The following ADGRL1 variants were observed in gnomAD, a reference collection of about 807,000 sequenced individuals.
ADGRL1 encodes adhesion G protein-coupled receptor L1.
ADGRL1 carries 31 observed loss-of-function variants against 148.9 expected under a neutral mutation model. The observed-to-expected ratio is 0.21, with a 90% CI of 0.16 to 0.28. ADGRL1 has a LOEUF of 0.28. ADGRL1 is among the 10% of genes least tolerant of loss of function. ADGRL1 has a pLI of 1.00. For missense variants in ADGRL1, 1,521 were observed against 2,058.8 expected, an observed-to-expected ratio of 0.74 and a Z score of 5.05; for synonymous variants, 937 against 900.3, an observed-to-expected ratio of 1.04 and a Z score of -0.73.
At chr19:14,199,812 C>T (rs1460897210) in intron 1 of ADGRL1, among the ~76,000 whole-genome samples, 1 of 152,008 alleles carries the variant, frequency 6.6e-6, no homozygotes. Flanking sequence ...TGGCTCACTG[C>T]AACCTCTGCC....
Position 14,159,640 on chromosome 19 carries a change from G to A in ADGRL1, c.1840-56C>T. 3 of 1,595,366 alleles carry A rather than the reference G, an allele frequency of 1.9e-6. No homozygotes were observed. The highest frequency in any genetic ancestry group is 1.7e-4 in the Middle Eastern group (1 of 5,982). On this transcript the variant is annotated intron_variant, in intron 9 of 22. Coordinates refer to ENST00000361434, the MANE Select transcript of ADGRL1 (RefSeq NM_014921.5). This position sits in a 1 kb window ranked among gnomAD's most constrained non-coding sequence, Gnocchi z 6.0. The stretch of plus-strand genomic sequence containing the variant: ...CCCCCCAACACCCTCTAATTCCTGG[G>A]GGTGGGCTCTGCATGCCCTCTTCTC...
rs1969227638 is a variant in ADGRL1 at position 14,160,344 on chromosome 19, ACC to A, written c.1615-49_1615-48del. 2 of 1,535,008 alleles carry A rather than the reference ACC, an allele frequency of 1.3e-6. No individual in the cohort carries two copies. The highest frequency in any genetic ancestry group is 3.6e-5 in the Admixed American group (2 of 55,670). ...AGGGGGAATCCCAGGACTGTCAGGGACCATCCTGCCCTCCCCGGCTTCCCTGG... is the reference window on the plus strand; with the variant it reads ...AGGGGGAATCCCAGGACTGTCAGGGAATCCTGCCCTCCCCGGCTTCCCTGG... On this transcript the variant is annotated intron_variant, in intron 7 of 22. Transcript: ENST00000361434. This position sits in a 1 kb window ranked among gnomAD's most constrained non-coding sequence, Gnocchi z 5.9.
In ADGRL1 at chr19:14,155,316, T is replaced by C. The variant is rs1267394438; in HGVS notation, c.3294+43A>G. 6.2e-7 allele frequency: 1 copy of C among 1,600,834 alleles called. No homozygotes were observed. Among genetic ancestry groups the C allele is most frequent in the Non-Finnish European group, 8.5e-7 (1 of 1,171,550 alleles). On this transcript the variant is annotated intron_variant, in intron 18 of 22. Coordinates refer to ENST00000361434, the MANE Select transcript of ADGRL1 (RefSeq NM_014921.5). The surrounding 1 kb of genome is among the most constrained non-coding windows in gnomAD (Gnocchi z 5.0). Reference sequence around the variant, plus strand: ...CCTTCTCCTGGGTACCCAGGAAACGTCTCCAAGGGAGGCTGTGACCCAGGA... The same window carrying C: ...CCTTCTCCTGGGTACCCAGGAAACGCCTCCAAGGGAGGCTGTGACCCAGGA...
At chr19:14,158,202 G>T in intron 12 of ADGRL1, 136 bp downstream of exon 12, 3 of 1,222,928 alleles carry the variant, frequency 2.5e-6, no homozygotes, top group South Asian at 2.7e-5. Flanking sequence ...GAGCTCTGGG[G>T]ACAAATGGCC....
chr19:14,174,939 C>T (rs1447185557), intron 3 of ADGRL1, among the ~76,000 whole-genome samples: 2 of 151,260 alleles, frequency 1.3e-5, no homozygotes, highest in Admixed American at 1.3e-4. Context: ...ACTCCCGGGC[C>T]CAAGTGATCC....
At chr19:14,202,184 C>A (rs1972657753) in intron 1 of ADGRL1, among the ~76,000 whole-genome samples, 1 of 152,016 alleles carries the variant, frequency 6.6e-6, no homozygotes, top group South Asian at 2.1e-4. Context: ...TTTGGGGCTA[C>A]CCTCGAAAAG....
intron 1 of ADGRL1, among the ~76,000 whole-genome samples, chr19:14,200,576 T>C (rs979967044): frequency 2.0e-5 from 3 of 152,232 alleles, no homozygotes; most frequent in African/African-American, 7.2e-5. Flanking sequence ...CATCGGGCTT[T>C]CTACAGAAAA....
chr19:14,205,314 C>T (rs1161696531), intron 1 of ADGRL1, among the ~76,000 whole-genome samples: 1 of 152,034 alleles, frequency 6.6e-6, no homozygotes, highest in Non-Finnish European at 1.5e-5. Flanking sequence ...GCCGGCCTCC[C>T]GTGCTTTAAC....
Position 14,152,694 on chromosome 19 carries a change from C to G in ADGRL1, c.3424-81G>C. The G allele has an allele frequency of 6.3e-7, 1 of 1,591,924 alleles. No individual in the cohort carries two copies. The highest frequency in any genetic ancestry group is 8.6e-7 in the Non-Finnish European group (1 of 1,161,462). ...TTTCTGAGACTGCTCACCTGATCAT[C>G]ACGATCAGAAACCTAGGCCAAGCCA... On this transcript the variant is annotated intron_variant, in intron 19 of 22. Coordinates refer to ENST00000361434, the MANE Select transcript of ADGRL1 (RefSeq NM_014921.5). The surrounding 1 kb of genome is among the most constrained non-coding windows in gnomAD (Gnocchi z 6.1).
At chr19:14,158,767 G>A (rs933858901) in intron 11 of ADGRL1, among the ~76,000 whole-genome samples, 3 of 152,232 alleles carry the variant, frequency 2.0e-5, no homozygotes, top group Non-Finnish European at 4.4e-5. Flanking sequence ...CAGCAGGGCA[G>A]TGTGCCAGGA....
chr19:14,176,046 T>C (rs1348126222), intron 3 of ADGRL1, among the ~76,000 whole-genome samples: 2 of 150,784 alleles, frequency 1.3e-5, no homozygotes, highest in Non-Finnish European at 3.0e-5. Flanking sequence ...AGAGCAAGAT[T>C]CTGTCTCAAA....
At chr19:14,168,576 G>A (rs1970201902) in intron 4 of ADGRL1, among the ~76,000 whole-genome samples, 1 of 151,950 alleles carries the variant, frequency 6.6e-6, no homozygotes, top group Admixed American at 6.6e-5. Flanking sequence ...TGTAGCCCCT[G>A]GACCACGCTC....
chr19:14,168,419 T>G (rs1970184767), intron 4 of ADGRL1, among the ~76,000 whole-genome samples: 1 of 152,132 alleles, frequency 6.6e-6, no homozygotes, highest in African/African-American at 2.4e-5. Flanking sequence ...CCCGTATGTG[T>G]GCACACATGT....
At chr19:14,167,210 G>T (rs1006852696) in intron 4 of ADGRL1, among the ~76,000 whole-genome samples, 1 of 151,918 alleles carries the variant, frequency 6.6e-6, no homozygotes, top group Admixed American at 6.6e-5. Flanking sequence ...TCGGGCCCCC[G>T]CCCCCAGGTC....
intron 2 of ADGRL1, among the ~76,000 whole-genome samples, chr19:14,178,574 A>G (rs773486542): frequency 5.9e-5 from 9 of 152,028 alleles, no homozygotes; most frequent in Non-Finnish European, 1.2e-4. Flanking sequence ...GCTGGAGTGC[A>G]GTGGTGCGAT....
rs781421094 is a variant in ADGRL1 at position 14,158,341 on chromosome 19, C to A, written c.2361G>T (p.Leu787=). 6.2e-7 allele frequency: 1 copy of A among 1,613,338 alleles called. No homozygotes were observed. Residue 787 remains leucine, a synonymous_variant, in exon 12 of 23, where the codon CTG becomes CTT. Transcript: ENST00000361434. ...MDPVIFTVAH[L]EDKNHFNANC... is the part of the protein sequence containing the mutation. ...GGAGGGGGACGGCTCAGCTCACCTCCAGGTGGGCCACGGTGAAGATGACAG... is the reference window on the plus strand; with the variant it reads ...GGAGGGGGACGGCTCAGCTCACCTCAAGGTGGGCCACGGTGAAGATGACAG...
At position 14,151,221 on chromosome 19, in the gene ADGRL1, G is replaced by A. The variant is rs755252011; in HGVS notation, c.4062C>T (p.Asp1354=). The part of the protein sequence containing the change: ...AQSVLYQSDL[D]ESESCTAEDG... Reference sequence around the variant, plus strand: ...CCTCGGCCGTGCAGCTCTCCGACTCGTCCAGATCGCTCTGGTACAGCACCG... The same window carrying A: ...CCTCGGCCGTGCAGCTCTCCGACTCATCCAGATCGCTCTGGTACAGCACCG... Residue 1354 remains aspartate (D), a synonymous_variant, in exon 23 of 23, where the codon GAC becomes GAT. Transcript: ENST00000361434. 1.7e-5 allele frequency: 27 copies of A among 1,611,824 alleles called. No homozygotes were observed. The highest frequency in any genetic ancestry group is 5.5e-5 in the South Asian group (5 of 91,082).
In ADGRL1 at chr19:14,183,703, G is replaced by C; in HGVS notation, c.-95-6C>G. ...CCACGGCCTGGACCACCAGCCTGGGGGAGGACAGGGAGACTGAGGTGGGGA... is the reference window on the plus strand; with the variant it reads ...CCACGGCCTGGACCACCAGCCTGGGCGAGGACAGGGAGACTGAGGTGGGGA... On this transcript the variant is annotated splice_polypyrimidine_tract_variant and splice_region_variant and intron_variant, in intron 1 of 22. Coordinates refer to ENST00000361434, the MANE Select transcript of ADGRL1 (RefSeq NM_014921.5). 9.5e-7 allele frequency: 1 copy of C among 1,049,494 alleles called. No individual in the cohort carries two copies. The highest frequency in any genetic ancestry group is 1.5e-5 in the South Asian group (1 of 64,840). 65.0% of individuals were successfully genotyped at this position (1,049,494 alleles called of 1,614,324 possible).
intron 2 of ADGRL1, 91 bp downstream of exon 2, chr19:14,183,442 C>T: frequency 8.1e-7 from 1 of 1,231,294 alleles, no homozygotes; most frequent in South Asian, 1.4e-5. Flanking sequence ...TAATTCTTTA[C>T]TGAGTGATCA....
Sources: allele counts gnomAD v4.1 joint callset (sites outside exome capture counted in the v4.1 genomes callset), GRCh38; gene constraint gnomAD v4.1.1; non-coding constraint Gnocchi (gnomAD v3.1); transcripts MANE v1.5; gene names NCBI Gene and HGNC (gene_info 2026-07-23, HGNC 2026-07-21).